The following CDH8 variants were observed in gnomAD, a reference collection of about 807,000 sequenced individuals.
CDH8 encodes cadherin-8.
A neutral mutation model predicts 68.1 loss-of-function variants in CDH8; 17 were observed. That is an observed-to-expected ratio of 0.25 (90% CI 0.17 to 0.37). The LOEUF (loss-of-function observed/expected upper bound fraction) is 0.37, where lower values mean the gene tolerates loss of function less well. CDH8 is among the 10% of genes least tolerant of loss of function. The probability of loss-of-function intolerance (pLI) is 1.00; values close to 1 mark genes in which losing one functional copy is unlikely to be tolerated. For synonymous variants in CDH8, 372 were observed against 365.1 expected (o/e 1.02, Z -0.21); for missense variants, 763 against 999.3 (o/e 0.76, Z 3.19).
chr16:61,874,043 T>TGG (rs1183746488), intron 3 of CDH8, among the ~76,000 whole-genome samples: 4 of 151,854 alleles, frequency 2.6e-5, no homozygotes, highest in African/African-American at 9.7e-5. Flanking sequence ...GGCAACAGAG[T>TGG]GGGACTCCAT....
At chr16:61,758,994 C>A (rs1449717685) in intron 8 of CDH8, among the ~76,000 whole-genome samples, 1 of 152,004 alleles carries the variant, frequency 6.6e-6, no homozygotes, top group African/African-American at 2.4e-5. Flanking sequence ...GCTTAGCATT[C>A]CAAAAATGGA....
chr16:61,669,676 C>A (rs1214551156), intron 10 of CDH8, among the ~76,000 whole-genome samples: 2 of 152,036 alleles, frequency 1.3e-5, no homozygotes, highest in Non-Finnish European at 2.9e-5. Context: ...CTAGTCTCTG[C>A]TCCCATACAC....
At chr16:61,986,576 T>C (rs1036141341) in intron 2 of CDH8, among the ~76,000 whole-genome samples, 13 of 152,174 alleles carry the variant, frequency 8.5e-5, no homozygotes, top group Admixed American at 6.5e-4. Context: ...AAGCCATCCC[T>C]GAAATTATGA....
At chr16:61,899,454 G>A (rs1963928867) in intron 3 of CDH8, among the ~76,000 whole-genome samples, 1 of 152,158 alleles carries the variant, frequency 6.6e-6, no homozygotes, top group East Asian at 1.9e-4. Flanking sequence ...AGATACAGGG[G>A]TGACCATGAA....
Position 61,995,203 on chromosome 16 carries a change from T to A in CDH8, c.252+25949A>T, listed in dbSNP as rs529299956. On this transcript the variant is annotated intron_variant, in intron 2 of 11. Coordinates refer to ENST00000577390, the MANE Select transcript of CDH8 (RefSeq NM_001796.5). Reference sequence around the variant, plus strand: ...TTTCTTGTGATAGAAGATTATAAATTAGACAACATCTCAGGACTGGACTGA... The same window carrying A: ...TTTCTTGTGATAGAAGATTATAAATAAGACAACATCTCAGGACTGGACTGA... Among the ~76,000 whole-genome samples, 3 of 152,312 alleles carry A rather than the reference T, an allele frequency of 2.0e-5. No homozygotes were observed. In the East Asian group the frequency reaches 5.8e-4, roughly 29 times the overall value.
intron 8 of CDH8, among the ~76,000 whole-genome samples, chr16:61,737,765 T>C: frequency 6.6e-6 from 1 of 152,172 alleles, no homozygotes; most frequent in East Asian, 1.9e-4. Flanking sequence ...CATTCCCCTT[T>C]CTCTGTTATG....
At position 61,906,475 on chromosome 16, in the gene CDH8, G is replaced by C. The variant is rs1807720109; in HGVS notation, c.253-5002C>G. Among the ~76,000 whole-genome samples the C allele has an allele frequency of 2.0e-5, 3 of 152,158 alleles. No individual in the cohort carries two copies. The South Asian group carries it at 6.2e-4, about 32-fold the overall frequency. On this transcript the variant is annotated intron_variant, in intron 2 of 11. Transcript: ENST00000577390. ...CATATACAGTAAGCCTTCAATTTCA[G>C]GAATTCTAACAGGACTGCTACATAA...
At position 61,655,549 on chromosome 16, in the gene CDH8, A is replaced by G. The variant is rs201367392; in HGVS notation, c.1827T>C (p.Asn609=). The change falls in exon 11 of 12, where the codon AAT becomes AAC. Residue 609 remains asparagine, a synonymous_variant. Transcript: ENST00000577390. ...CAATTGGAAGGACATAAGCTTCGAC[A>G]TTGCAAGACTGGACGACACCGTCAT... ...CSNDGVVQSC[N]VEAYVLPIGL... is the part of the protein sequence containing the mutation. 2 of 1,614,140 alleles carry G rather than the reference A, an allele frequency of 1.2e-6. No homozygotes were observed. The highest frequency in any genetic ancestry group is 2.2e-5 in the East Asian group (1 of 44,838).
At chr16:61,907,166 T>A (rs1169216358) in intron 2 of CDH8, among the ~76,000 whole-genome samples, 2 of 152,182 alleles carry the variant, frequency 1.3e-5, no homozygotes, top group Non-Finnish European at 2.9e-5. Flanking sequence ...AGAAAAATAC[T>A]CCTTTGTGAG....
At chr16:61,943,545 A>G (rs3784847) in intron 2 of CDH8, among the ~76,000 whole-genome samples, 14,890 of 152,280 alleles carry the variant, frequency 0.098, 955 homozygotes, top group East Asian at 0.29. Context: ...CTACTCTGAC[A>G]CAAAACCTAA....
At chr16:61,883,610 G>T (rs1253403908) in intron 3 of CDH8, among the ~76,000 whole-genome samples, 5 of 151,122 alleles carry the variant, frequency 3.3e-5, no homozygotes, top group Non-Finnish European at 7.4e-5. Flanking sequence ...ATAAAAACAA[G>T]TATAGCAGTT....
chr16:61,771,805 A>G (rs1960785821), intron 8 of CDH8, among the ~76,000 whole-genome samples: 1 of 151,996 alleles, frequency 6.6e-6, no homozygotes, highest in African/African-American at 2.4e-5. Flanking sequence ...GAAATAAATT[A>G]TATAGGTCGA....
intron 8 of CDH8, among the ~76,000 whole-genome samples, chr16:61,754,497 T>C (rs1349143033): frequency 6.6e-6 from 1 of 151,978 alleles, no homozygotes; most frequent in Non-Finnish European, 1.5e-5. Flanking sequence ...TTGTTTTTTT[T>C]ATTTTGTTTA....
intron 2 of CDH8, among the ~76,000 whole-genome samples, chr16:62,011,082 T>A (rs1901799879): frequency 6.6e-6 from 1 of 152,100 alleles, no homozygotes; most frequent in Non-Finnish European, 1.5e-5. Context: ...ATTCTTAGGA[T>A]TAGGGAGAAA....
At chr16:62,001,797 A>G (rs1261149332) in intron 2 of CDH8, among the ~76,000 whole-genome samples, 1 of 152,118 alleles carries the variant, frequency 6.6e-6, no homozygotes, top group African/African-American at 2.4e-5. Context: ...CATTAGGTAT[A>G]ACTCCTAATG....
chr16:61,983,494 A>T (rs1408687312), intron 2 of CDH8, among the ~76,000 whole-genome samples: 1 of 152,156 alleles, frequency 6.6e-6, no homozygotes, highest in African/African-American at 2.4e-5. Context: ...TACAGCCTAA[A>T]TTTTTCTGTC....
chr16:61,662,087 G>GTTTTTTTTTTTTTTTTTTTTTTTATTT, intron 10 of CDH8, among the ~76,000 whole-genome samples: 2 of 92,790 alleles, frequency 2.2e-5, no homozygotes, highest in Admixed American at 1.1e-4. Flanking sequence ...TTTTACTTTA[G>GTTTTTTTTTTTTTTTTTTTTTTTATTT]TTTTTTTTTT....
intron 8 of CDH8, among the ~76,000 whole-genome samples, chr16:61,764,826 A>G (rs879525099): frequency 6.6e-6 from 1 of 152,104 alleles, no homozygotes; most frequent in Non-Finnish European, 1.5e-5. Flanking sequence ...TTGGAGAATT[A>G]ATGAGCTAAC....
In CDH8 at chr16:62,035,350, C is replaced by G. The variant is rs1287326933; in HGVS notation, c.-200+730G>C. On this transcript the variant is annotated intron_variant, in intron 1 of 11. Transcript: ENST00000577390. ...GGAGTCCCCGGCTTAAGGGGGCCTC[C>G]GTGCACGCAATCTCGAGTTGCGGGG... 2.6e-5 allele frequency among the ~76,000 whole-genome samples: 4 copies of G among 152,270 alleles called. No individual in the cohort carries two copies. The South Asian group carries it at 6.2e-4, about 24-fold the overall frequency.
Sources: allele counts gnomAD v4.1 joint callset (sites outside exome capture counted in the v4.1 genomes callset), GRCh38; gene constraint gnomAD v4.1.1; transcripts MANE v1.5; gene names NCBI Gene and HGNC (gene_info 2026-07-23, HGNC 2026-07-21).